The following DENND1B variants were observed in gnomAD, a reference collection of about 807,000 sequenced individuals.
DENND1B encodes DENN domain-containing protein 1B.
DENND1B carries 59 observed loss-of-function variants against 90.1 expected under a neutral mutation model. The observed-to-expected ratio is 0.65, with a 90% CI of 0.53 to 0.81. The LOEUF (loss-of-function observed/expected upper bound fraction) is 0.81. DENND1B is among the 40% of genes least tolerant of loss of function. DENND1B has a pLI of 0.00. For missense variants in DENND1B, 862 were observed against 912.6 expected, an observed-to-expected ratio of 0.94 and a Z score of 0.71; for synonymous variants, 337 against 324.6, an observed-to-expected ratio of 1.04 and a Z score of -0.41.
chr1:197,764,482 T>C (rs931023776), intron 2 of DENND1B, among the ~76,000 whole-genome samples: 6 of 152,092 alleles, frequency 3.9e-5, no homozygotes, highest in African/African-American at 1.4e-4. Flanking sequence ...TAAAAACAAG[T>C]CTTTATGAAA....
At chr1:197,780,720 T>G in the DENND1B span, among the ~76,000 whole-genome samples, 6 of 152,174 alleles carry the variant, frequency 3.9e-5, no homozygotes, top group Admixed American at 1.3e-4. Context: ...AATTCTGAAT[T>G]TTTAGTTGAT....
intron 3 of DENND1B, among the ~76,000 whole-genome samples, chr1:197,713,793 T>TC (rs1376908590): frequency 0.051 from 1,028 of 20,222 alleles, 51 homozygotes; most frequent in African/African-American, 0.18. Flanking sequence ...TATTATAATA[T>TC]TATTATATTA....
At chr1:197,694,568 T>A (rs773409937) in intron 3 of DENND1B, among the ~76,000 whole-genome samples, 1 of 151,416 alleles carries the variant, frequency 6.6e-6, no homozygotes, top group Non-Finnish European at 1.5e-5. Context: ...CTTGAAAAAA[T>A]AATTTCTCCA....
chr1:197,575,911 T>A (rs1571937752), intron 15 of DENND1B, among the ~76,000 whole-genome samples: 1 of 152,028 alleles, frequency 6.6e-6, no homozygotes, highest in African/African-American at 2.4e-5. Context: ...GGCGGGAACA[T>A]CACACACCAG....
intron 6 of DENND1B, among the ~76,000 whole-genome samples, chr1:197,656,815 TA>T (rs968140424): frequency 8.8e-5 from 13 of 147,148 alleles, no homozygotes; most frequent in Admixed American, 5.4e-4. Context: ...AAAAAAAATT[TA>T]AAAAAAAAAT....
intron 15 of DENND1B, among the ~76,000 whole-genome samples, chr1:197,573,557 T>C (rs2125741609): frequency 6.6e-6 from 1 of 152,266 alleles, no homozygotes; most frequent in South Asian, 2.1e-4. Flanking sequence ...TCTGAAACTA[T>C]TACAATCAAT....
intron 2 of DENND1B, among the ~76,000 whole-genome samples, chr1:197,741,180 C>T (rs990464809): frequency 6.6e-6 from 1 of 152,148 alleles, no homozygotes; most frequent in Non-Finnish European, 1.5e-5. Context: ...AAGATAAACA[C>T]CGCTGGCTGG....
Position 197,754,819 on chromosome 1 carries a change from C to T in DENND1B, c.82+18049G>A, listed in dbSNP as rs147146615. 9.1e-3 allele frequency among the ~76,000 whole-genome samples: 1,388 copies of T among 152,034 alleles called. 20 individuals are homozygous for T. Among genetic ancestry groups the T allele is most frequent in the African/African-American group, 0.031 (1,269 of 41,428 alleles). ...GAAAATGCATATTCATGCAAATATACTCATATAGAGATGTGTAACAGATTG... is the reference window on the plus strand; with the variant it reads ...GAAAATGCATATTCATGCAAATATATTCATATAGAGATGTGTAACAGATTG... On this transcript the variant is annotated intron_variant, in intron 2 of 22. Coordinates refer to ENST00000620048, the MANE Select transcript of DENND1B (RefSeq NM_001195215.2).
chr1:197,545,054 G>GGAGAAGGAGAAGGAGAAGGAGAAA (rs1670698980), intron 18 of DENND1B, among the ~76,000 whole-genome samples: 2 of 150,254 alleles, frequency 1.3e-5, no homozygotes, highest in African/African-American at 4.9e-5. Context: ...AGAAGGAGAA[G>GGAGAAGGAGAAGGAGAAGGAGAAA]AAGAAGAAGA....
chr1:197,778,115 A>G (rs944477240), upstream of DENND1B, among the ~76,000 whole-genome samples: 3 of 152,170 alleles, frequency 2.0e-5, no homozygotes, highest in South Asian at 2.1e-4. Flanking sequence ...TATAATTTCT[A>G]TATCTACCTA....
intron 20 of DENND1B, among the ~76,000 whole-genome samples, chr1:197,514,491 T>C (rs1197076131): frequency 1.3e-5 from 2 of 151,710 alleles, no homozygotes; most frequent in Non-Finnish European, 3.0e-5. Context: ...GTTTTTAAAA[T>C]AGTCCTTATC....
intron 20 of DENND1B, among the ~76,000 whole-genome samples, chr1:197,518,307 A>G (rs1008254469): frequency 2.0e-5 from 3 of 152,054 alleles, no homozygotes; most frequent in Non-Finnish European, 2.9e-5. Flanking sequence ...GACAAATTGT[A>G]TAACCAACGC....
chr1:197,553,231 T>C (rs1353299921), intron 15 of DENND1B, 119 bp from the exon 16 acceptor site: 1 of 758,030 alleles, frequency 1.3e-6, no homozygotes, highest in Non-Finnish European at 2.0e-6. Flanking sequence ...TAACAGACTC[T>C]TGTATAAATT....
At chr1:197,735,836 T>G (rs148525468) in intron 2 of DENND1B, 1 of 1,606,310 alleles carries the variant, frequency 6.2e-7, no homozygotes, top group East Asian at 2.2e-5. Context: ...TGGAAGAAAT[T>G]CAAAAGAAAA....
chr1:197,643,290 G>C (rs7526039), intron 9 of DENND1B, among the ~76,000 whole-genome samples: 1 of 151,938 alleles, frequency 6.6e-6, no homozygotes, highest in African/African-American at 2.4e-5. Flanking sequence ...GAGTAGCTAG[G>C]ATTACAGGTG....
At chr1:197,620,715 A>C (rs1180030937) in intron 10 of DENND1B, among the ~76,000 whole-genome samples, 1 of 151,370 alleles carries the variant, frequency 6.6e-6, no homozygotes, top group Non-Finnish European at 1.5e-5. Context: ...TAATTCAACA[A>C]AAATTTTGAG....
the DENND1B span, among the ~76,000 whole-genome samples, chr1:197,781,452 A>G: frequency 6.6e-6 from 1 of 152,204 alleles, no homozygotes; most frequent in African/African-American, 2.4e-5. Flanking sequence ...TTAGGAAACT[A>G]TCTTTAAATT....
chr1:197,584,156 A>G (rs1206394011), intron 14 of DENND1B, among the ~76,000 whole-genome samples: 1 of 152,224 alleles, frequency 6.6e-6, no homozygotes, highest in Non-Finnish European at 1.5e-5. Flanking sequence ...TTGAAAAAAA[A>G]TAAGAATAAT....
At chr1:197,553,180 A>C (rs778886472) in intron 15 of DENND1B, 68 bp from the exon 16 acceptor site, 13 of 1,297,400 alleles carry the variant, frequency 1.0e-5, no homozygotes, top group Non-Finnish European at 1.2e-5. Context: ...TTAATTTTTC[A>C]TTTTATAAGG....
Sources: allele counts gnomAD v4.1 joint callset (sites outside exome capture counted in the v4.1 genomes callset), GRCh38; gene constraint gnomAD v4.1.1; transcripts MANE v1.5; gene names NCBI Gene and HGNC (gene_info 2026-07-23, HGNC 2026-07-21).